ATG16L2: variants seen among roughly 807,000 people sequenced by gnomAD.
ATG16L2 encodes the protein protein Atg16l2.
Under a neutral mutation model 84.7 loss-of-function variants are expected in ATG16L2, and 77 were observed. The ratio of observed to expected loss-of-function variants is 0.91; its 90% CI spans 0.76 to 1.10. The LOEUF is 1.10. Ranked by LOEUF, ATG16L2 falls within the 50% of genes least tolerant of loss-of-function variation. ATG16L2 has a pLI of 0.00. For missense variants in ATG16L2, 782 were observed against 817.6 expected, an observed-to-expected ratio of 0.96 and a Z score of 0.53; for synonymous variants, 361 against 342.8, an observed-to-expected ratio of 1.05 and a Z score of -0.59.
At chr11:72,826,952 A>G in intron 13 of ATG16L2, 129 bp downstream of exon 13, 1 of 1,120,016 alleles carries the variant, frequency 8.9e-7, no homozygotes, top group Non-Finnish European at 1.3e-6. Context: ...GAAACCTCTC[A>G]AGGCCCTCCA....
In ATG16L2 at chr11:72,827,243, T is replaced by C. The variant is rs756931464; in HGVS notation, c.1422T>C (p.His474=). 2 of 1,614,038 alleles carry C rather than the reference T, an allele frequency of 1.2e-6. No homozygotes were observed. The highest frequency in any genetic ancestry group is 4.5e-5 in the East Asian group (2 of 44,868). Residue 474 remains histidine, a synonymous_variant, in exon 14 of 18, where the codon CAT becomes CAC. Coordinates refer to ENST00000321297, the MANE Select transcript of ATG16L2 (RefSeq NM_033388.2). ...SYCNDVVCGD[H]IIISGHNDQK... is the part of the protein sequence containing the mutation. ...GTAATGACGTGGTGTGTGGGGACCA[T>C]ATCATCATTAGTGGCCACAATGACC...
At position 72,814,442 on chromosome 11, in the gene ATG16L2, G is replaced by T; in HGVS notation, c.-4G>T. The T allele has an allele frequency of 2.0e-6, 3 of 1,480,198 alleles. No homozygotes were observed. The highest frequency in any genetic ancestry group is 1.8e-6 in the Non-Finnish European group (2 of 1,108,046). 91.7% of individuals were successfully genotyped at this position (1,480,198 alleles called of 1,614,324 possible). The stretch of plus-strand genomic sequence containing the variant: ...AACGCGCCGCTAGGCGGGAGAGCGC[G>T]GCCATGGCGGGGCCGGGCGTCCCCG... On this transcript the variant is annotated 5_prime_UTR_variant, in exon 1 of 18. Coordinates refer to ENST00000321297, the MANE Select transcript of ATG16L2 (RefSeq NM_033388.2).
intron 3 of ATG16L2, 92 bp from the exon 4 acceptor site, chr11:72,821,576 T>C (rs1864652): frequency 6.7e-7 from 1 of 1,493,916 alleles, no homozygotes; most frequent in Non-Finnish European, 8.9e-7. Context: ...GGCGGGCAGG[T>C]GAGCAGCCGA....
intron 5 of ATG16L2, chr11:72,842,523 G>A: frequency 6.9e-7 from 1 of 1,457,604 alleles, no homozygotes; most frequent in Non-Finnish European, 9.4e-7. Flanking sequence ...GTGAGGGTAA[G>A]GCAGAGACTG....
chr11:72,829,681 T>C (rs1458004647), downstream of ATG16L2: 9 of 1,106,436 alleles, frequency 8.1e-6, no homozygotes, highest in East Asian at 1.6e-4. Flanking sequence ...CAGAGACCTT[T>C]GGGCTAGTGG....
Position 72,822,473 on chromosome 11 carries a change from A to T in ATG16L2, c.645-5A>T. ...AGGGTCTCAGGATGCTTTTTACCCA[A>T]CAAGGGCCAAGCAGGCGCGGGTGTC... is the stretch of plus-strand genomic sequence containing the variant. On this transcript the variant is annotated splice_region_variant and splice_polypyrimidine_tract_variant and intron_variant, in intron 5 of 17. Coordinates refer to ENST00000321297, the MANE Select transcript of ATG16L2 (RefSeq NM_033388.2). This position sits in a 1 kb window ranked among gnomAD's most constrained non-coding sequence, Gnocchi z 4.2. The T allele has an allele frequency of 1.2e-6, 2 of 1,612,968 alleles. No individual in the cohort carries two copies. The highest frequency in any genetic ancestry group is 1.3e-5 in the African/African-American group (1 of 74,930).
chr11:72,841,448 C>G (rs762347999), intron 5 of ATG16L2: 16 of 1,610,542 alleles, frequency 9.9e-6, no homozygotes, highest in Middle Eastern at 1.7e-4. Flanking sequence ...CCAGGAGAAC[C>G]CTTACCGTTT....
At chr11:72,824,395 C>T (rs1860207498) in intron 8 of ATG16L2, 1 of 574,182 alleles carries the variant, frequency 1.7e-6, no homozygotes, top group Non-Finnish European at 3.1e-6. Context: ...GCAGGAGCTC[C>T]TACTCAATTG....
chr11:72,820,249 G>GT (rs1565261826), intron 3 of ATG16L2: 1 of 152,202 alleles, frequency 6.6e-6, no homozygotes, highest in Non-Finnish European at 1.5e-5. Context: ...AACTGGGATT[G>GT]GTATGAAGTG....
rs1860063053 is a variant in ATG16L2, at chr11:72,822,394, C to T, written c.645-84C>T. 4 of 1,595,134 alleles carry T rather than the reference C, an allele frequency of 2.5e-6. No individual in the cohort carries two copies. Among genetic ancestry groups the T allele is most frequent in the African/African-American group, 1.3e-5 (1 of 74,236 alleles). On this transcript the variant is annotated intron_variant, in intron 5 of 17. Transcript: ENST00000321297. This position sits in a 1 kb window ranked among gnomAD's most constrained non-coding sequence, Gnocchi z 4.2. ...CTGGAAGGGAGGGGGGCAGCAGCCG[C>T]CCCCTGGAGGAAGGGACCGGGTCTA...
chr11:72,824,199 C>T, intron 8 of ATG16L2, 77 bp downstream of exon 8: 1 of 1,547,922 alleles, frequency 6.5e-7, no homozygotes, highest in East Asian at 2.2e-5. Context: ...GTGTCTGTGC[C>T]TCGACCTGTC....
chr11:72,843,405 C>T (rs745830695), exon 6 of ATG16L2: 19 of 1,608,268 alleles, frequency 1.2e-5, no homozygotes, highest in Non-Finnish European at 1.5e-5. Context: ...AAACAAACTC[C>T]TAAAAATGTC....
In ATG16L2 at chr11:72,816,710, C is replaced by T. The variant is rs1859717464; in HGVS notation, c.119-18C>T. On this transcript the variant is annotated intron_variant, in intron 1 of 17. Transcript: ENST00000321297. ...GGTATCTGTCTCTGCCCCAGGCTCA[C>T]TCTCTTGCACTCTCCAGATAACCAT... 3 of 1,604,752 alleles carry T rather than the reference C, an allele frequency of 1.9e-6. No individual in the cohort carries two copies. The highest frequency in any genetic ancestry group is 2.6e-6 in the Non-Finnish European group (3 of 1,171,616).
intron 16 of ATG16L2, 29 bp downstream of exon 16, chr11:72,828,805 C>G: frequency 6.2e-7 from 1 of 1,614,164 alleles, no homozygotes; most frequent in East Asian, 2.2e-5. Context: ...ATGCCTGTGT[C>G]CAAGTGTGCC....
intron 5 of ATG16L2, chr11:72,841,374 GTT>G: frequency 1.3e-6 from 1 of 755,962 alleles, no homozygotes; most frequent in Non-Finnish European, 2.0e-6. Context: ...AGCAAATGCA[GTT>G]TTTTTTTGCC....
chr11:72,826,388 C>T (rs532011361), intron 11 of ATG16L2, 130 bp from the exon 12 acceptor site: 16 of 1,432,296 alleles, frequency 1.1e-5, no homozygotes, highest in African/African-American at 2.8e-5. Context: ...CTCCTTGGGC[C>T]GGAGGCTCCT....
chr11:72,818,057 C>T, intron 3 of ATG16L2: 1 of 577,770 alleles, frequency 1.7e-6, no homozygotes, highest in East Asian at 2.9e-5. Context: ...TGGGCTCCAA[C>T]AGCAGCTGGA....
At chr11:72,836,937 T>C (rs1228744088) in intron 5 of ATG16L2, 1 of 152,620 alleles carries the variant, frequency 6.6e-6, no homozygotes, top group Non-Finnish European at 1.5e-5. Flanking sequence ...CTTTGTTTTT[T>C]AAAATAAAAT....
At position 72,826,585 on chromosome 11, in the gene ATG16L2, C is replaced by A. The variant is rs1860370164; in HGVS notation, c.1241C>A (p.Ser414Tyr). 5 of 1,614,134 alleles carry A rather than the reference C, an allele frequency of 3.1e-6. No individual in the cohort carries two copies. The highest frequency in any genetic ancestry group is 4.2e-6 in the Non-Finnish European group (5 of 1,180,014). Residue 414 changes from serine to tyrosine, a missense_variant, in exon 12 of 18, where the codon TCC becomes TAC. Physicochemically the swap from Ser to Tyr is moderately radical, Grantham distance 144. Transcript: ENST00000321297. ...AQLWKVGEAQSKETLSGHKDK... is the reference protein window; with the variant it reads ...AQLWKVGEAQYKETLSGHKDK... ...CTCTGGAAGGTGGGGGAGGCACAGT[C>A]CAAGGTGAGGCCTGACTGGGGAGGC...
Sources: gnomAD v4.1 joint callset for allele counts on GRCh38, gnomAD v4.1.1 for gene constraint, Gnocchi (gnomAD v3.1) non-coding constraint, MANE v1.5 for transcripts, NCBI Gene and HGNC (gene_info 2026-07-23, HGNC 2026-07-21) for gene names.